PLEKHB2: variants seen among roughly 807,000 people sequenced by gnomAD.
PLEKHB2 encodes the protein pleckstrin homology domain containing B2.
In PLEKHB2, 31 loss-of-function variants were observed where a neutral mutation model predicts 36.5. The ratio of observed to expected loss-of-function variants is 0.85; its 90% CI spans 0.64 to 1.15. The LOEUF is 1.15. Ranked by LOEUF, PLEKHB2 falls within the 50% of genes most tolerant of loss-of-function variation. The pLI is 0.00. For missense variants in PLEKHB2, 262 were observed against 295.3 expected (o/e 0.89, Z 0.83); for synonymous variants, 119 against 112.0 (o/e 1.06, Z -0.39).
chr2:131,117,330 G>A (rs1397399023), intron 1 of PLEKHB2, among the ~76,000 whole-genome samples: 1 of 152,184 alleles, frequency 6.6e-6, no homozygotes, highest in Non-Finnish European at 1.5e-5. Flanking sequence ...GGGAGGCTGA[G>A]GCAGGAGAAT....
chr2:131,119,507 C>A (rs1194801228), intron 1 of PLEKHB2, among the ~76,000 whole-genome samples: 1 of 152,148 alleles, frequency 6.6e-6, no homozygotes, highest in African/African-American at 2.4e-5. Context: ...GGCATGTTGG[C>A]GCGCTTCTGC....
chr2:131,112,114 C>G (rs1243211040), intron 1 of PLEKHB2, among the ~76,000 whole-genome samples: 1 of 152,204 alleles, frequency 6.6e-6, no homozygotes, highest in Non-Finnish European at 1.5e-5. Context: ...TTGGAACTTT[C>G]ATGTCTGCCC....
At chr2:131,109,792 C>T (rs1192114119) in intron 1 of PLEKHB2, among the ~76,000 whole-genome samples, 2 of 152,096 alleles carry the variant, frequency 1.3e-5, no homozygotes, top group African/African-American at 4.8e-5. Context: ...CTATAGACAA[C>T]TATTTTCACC....
At chr2:131,119,870 ACTG>A (rs1696297689) in intron 1 of PLEKHB2, among the ~76,000 whole-genome samples, 1 of 151,448 alleles carries the variant, frequency 6.6e-6, no homozygotes, top group African/African-American at 2.4e-5. Context: ...TTTTCTGTGA[ACTG>A]CTAAATTATT....
At chr2:131,115,153 G>A (rs971660485) in intron 1 of PLEKHB2, among the ~76,000 whole-genome samples, 5 of 152,110 alleles carry the variant, frequency 3.3e-5, no homozygotes, top group Admixed American at 2.6e-4. Flanking sequence ...GAACTTGTGC[G>A]GGGAACTCCC....
intron 1 of PLEKHB2, among the ~76,000 whole-genome samples, chr2:131,116,115 T>C (rs980889732): frequency 1.3e-4 from 20 of 152,252 alleles, no homozygotes; most frequent in Admixed American, 6.5e-4. Context: ...CTTTTCTGTC[T>C]CATAATCTGA....
At chr2:131,121,549 G>A (rs546199828) in intron 2 of PLEKHB2, among the ~76,000 whole-genome samples, 3 of 152,120 alleles carry the variant, frequency 2.0e-5, no homozygotes, top group Admixed American at 6.6e-5. Flanking sequence ...GCCCAGCTGC[G>A]TGCTTTATTA....
intron 1 of PLEKHB2, among the ~76,000 whole-genome samples, chr2:131,114,275 G>A (rs1427790269): frequency 5.3e-5 from 8 of 151,976 alleles, no homozygotes; most frequent in East Asian, 1.9e-4. Context: ...ACAGGCGCCC[G>A]CCCCCACGCC....
chr2:131,136,930 TTTTTCTTTC>T (rs1255223713), intron 6 of PLEKHB2, among the ~76,000 whole-genome samples: 9 of 151,284 alleles, frequency 5.9e-5, no homozygotes, highest in South Asian at 2.1e-4. Context: ...CTTTTTTCTT[TTTTTCTTTC>T]TTTTCTTTCT....
At chr2:131,135,677 C>T (rs1181623592) in intron 6 of PLEKHB2, among the ~76,000 whole-genome samples, 19 of 151,888 alleles carry the variant, frequency 1.3e-4, no homozygotes. Flanking sequence ...GATCTCGGCT[C>T]ACTGCAAGCT....
intron 7 of PLEKHB2, among the ~76,000 whole-genome samples, chr2:131,142,742 G>A (rs1415228551): frequency 1.3e-5 from 2 of 151,876 alleles, no homozygotes; most frequent in Non-Finnish European, 2.9e-5. Context: ...ATTTTTAGTA[G>A]AGATGGTTTC....
intron 1 of PLEKHB2, among the ~76,000 whole-genome samples, chr2:131,117,355 A>T (rs901405566): frequency 6.6e-6 from 1 of 152,166 alleles, no homozygotes; most frequent in African/African-American, 2.4e-5. Flanking sequence ...TGAACCTGGG[A>T]GGTGGAGGCT....
In PLEKHB2 at chr2:131,132,982, G is replaced by T. The variant is rs759238600; in HGVS notation, c.414G>T (p.Pro138=). The T allele has an allele frequency of 5.0e-6, 8 of 1,612,696 alleles. No individual in the cohort carries two copies. The highest frequency in any genetic ancestry group is 6.8e-6 in the Non-Finnish European group (8 of 1,178,760). The change falls in exon 6 of 8, where the codon CCG becomes CCT. Residue 138 remains proline (P), a synonymous_variant. Transcript: ENST00000693505. ...SPPPYTAYAA[P]APEQAYGYGP... is the part of the protein sequence containing the mutation. ...CACCATACACGGCCTATGCTGCACCGGCCCCTGAGGTAGGGAGAACCCTGA... is the reference window on the plus strand; with the variant it reads ...CACCATACACGGCCTATGCTGCACCTGCCCCTGAGGTAGGGAGAACCCTGA...
rs773777416 is a variant in PLEKHB2 at position 131,125,725 on chromosome 2, A to C, written c.38-28A>C. 113 of 1,576,210 alleles carry C rather than the reference A, an allele frequency of 7.2e-5. No homozygotes were observed. In the South Asian group the frequency reaches 1.2e-3, roughly 16 times the overall value. On this transcript the variant is annotated intron_variant, in intron 2 of 7. Coordinates refer to ENST00000693505, the MANE Select transcript of PLEKHB2 (RefSeq NM_001100623.2). The stretch of plus-strand genomic sequence containing the variant: ...AGTAAGACTGTCTCTAAAAAAAAAA[A>C]AACAACCGTACTATTTTTTTTTTCC...
rs1212895454 is a variant in PLEKHB2, at chr2:131,148,738, A to C, written c.*1965A>C. On this transcript the variant is annotated 3_prime_UTR_variant, in exon 8 of 8. Coordinates refer to ENST00000693505, the MANE Select transcript of PLEKHB2 (RefSeq NM_001100623.2). The stretch of plus-strand genomic sequence containing the variant: ...TTTCCACATGGAAGGATGTCTGTTT[A>C]TCTCTCATCTCTGAATAGATGTATG... 2 of 152,222 alleles carry C rather than the reference A, an allele frequency of 1.3e-5. No homozygotes were observed. Among genetic ancestry groups the C allele is most frequent in the Non-Finnish European group, 2.9e-5 (2 of 68,044 alleles). The allele number at this position is 152,222 out of a possible 1,614,324, so 9.4% of individuals were successfully genotyped here. A position where few individuals can be genotyped will look rare whatever the true frequency, so the allele number is the denominator to read the frequency against.
chr2:131,133,107 A>C, intron 6 of PLEKHB2, 116 bp downstream of exon 6: 1 of 670,742 alleles, frequency 1.5e-6, no homozygotes. Flanking sequence ...TTCTTCTTAA[A>C]ACAGATGATT....
intron 7 of PLEKHB2, chr2:131,144,409 G>A: frequency 4.9e-6 from 6 of 1,227,154 alleles, no homozygotes; most frequent in Non-Finnish European, 6.1e-6. Flanking sequence ...GTCTTGTAGA[G>A]ACCATCCTCA....
chr2:131,143,078 A>G (rs1209126623), intron 7 of PLEKHB2, among the ~76,000 whole-genome samples: 1 of 152,230 alleles, frequency 6.6e-6, no homozygotes, highest in Non-Finnish European at 1.5e-5. Flanking sequence ...ACACTTGATT[A>G]TAATAGGCTT....
At chr2:131,105,551 C>T (rs1303326579) in intron 1 of PLEKHB2, among the ~76,000 whole-genome samples, 153 bp downstream of exon 1, 2 of 152,132 alleles carry the variant, frequency 1.3e-5, no homozygotes, top group Non-Finnish European at 2.9e-5. Flanking sequence ...CCTAATTTTC[C>T]CTGAGGCTCC....
Sources: allele counts gnomAD v4.1 joint callset (sites outside exome capture counted in the v4.1 genomes callset), GRCh38; gene constraint gnomAD v4.1.1; transcripts MANE v1.5; gene names NCBI Gene and HGNC (gene_info 2026-07-23, HGNC 2026-07-21).